PTPRK: variants seen among roughly 807,000 people sequenced by gnomAD.
PTPRK encodes receptor-type tyrosine-protein phosphatase kappa.
PTPRK carries 75 observed loss-of-function variants against 178.0 expected under a neutral mutation model. The ratio of observed to expected loss-of-function variants is 0.42; its 90% CI spans 0.35 to 0.51. The LOEUF (loss-of-function observed/expected upper bound fraction) is 0.51. Among genes scored for constraint, PTPRK ranks in the 20% least tolerant of loss-of-function variants. The probability of loss-of-function intolerance (pLI) is 0.02; values close to 1 mark genes in which losing one functional copy is unlikely to be tolerated. For missense variants in PTPRK, 1,441 were observed against 1,797.8 expected (o/e 0.80, Z 3.59); for synonymous variants, 637 against 620.6 (o/e 1.03, Z -0.39).
chr6:128,387,076 A>G (rs1838849088), intron 2 of PTPRK, among the ~76,000 whole-genome samples: 1 of 152,140 alleles, frequency 6.6e-6, no homozygotes, highest in African/African-American at 2.4e-5. Flanking sequence ...TAAATAAATA[A>G]ATAAATAAAT....
chr6:128,015,303 G>A (rs1458199143), intron 13 of PTPRK, among the ~76,000 whole-genome samples: 1 of 151,684 alleles, frequency 6.6e-6, no homozygotes, highest in Non-Finnish European at 1.5e-5. Flanking sequence ...AAGAAGAAAT[G>A]TTTTAATGTG....
intron 1 of PTPRK, among the ~76,000 whole-genome samples, chr6:128,514,525 C>T (rs897051609): frequency 4.6e-5 from 7 of 152,236 alleles, no homozygotes; most frequent in Admixed American, 3.9e-4. Flanking sequence ...TAAAACAATT[C>T]CTAGAATGAC....
At chr6:128,198,902 T>G (rs781743046) in intron 6 of PTPRK, among the ~76,000 whole-genome samples, 41 of 152,218 alleles carry the variant, frequency 2.7e-4, no homozygotes, top group Non-Finnish European at 5.6e-4. Context: ...AATCAATATT[T>G]GTTGAATGAA....
In PTPRK at chr6:128,519,789, C is replaced by T. The variant is rs1301695519; in HGVS notation, c.100+470G>A. The stretch of plus-strand genomic sequence containing the variant: ...AGACAATAGTCAGGGGAGGTTATTC[C>T]CGGGACAAAAAGCACCTGGCAAAGC... On this transcript the variant is annotated intron_variant, in intron 1 of 29. Coordinates refer to ENST00000368226, the MANE Select transcript of PTPRK (RefSeq NM_002844.4). The surrounding 1 kb of genome is among the most constrained non-coding windows in gnomAD (Gnocchi z 4.3). Among the ~76,000 whole-genome samples the T allele has an allele frequency of 1.3e-5, 2 of 152,188 alleles. No homozygotes were observed. Among genetic ancestry groups the T allele is most frequent in the Non-Finnish European group, 2.9e-5 (2 of 68,038 alleles).
chr6:128,144,912 C>T (rs1796261667), intron 7 of PTPRK, among the ~76,000 whole-genome samples: 2 of 152,074 alleles, frequency 1.3e-5, no homozygotes, highest in African/African-American at 4.8e-5. Context: ...AACATATGTT[C>T]AATGCTTCTC....
At chr6:128,287,928 G>A (rs1302352820) in intron 3 of PTPRK, among the ~76,000 whole-genome samples, 1 of 151,736 alleles carries the variant, frequency 6.6e-6, no homozygotes, top group Non-Finnish European at 1.5e-5. Flanking sequence ...TTATCCTGTG[G>A]CTACTGTCCA....
At chr6:128,469,691 A>G (rs1584867923) in intron 1 of PTPRK, among the ~76,000 whole-genome samples, 1 of 152,306 alleles carries the variant, frequency 6.6e-6, no homozygotes, top group East Asian at 1.9e-4. Flanking sequence ...ATGTTAGGTT[A>G]TCCGGCAAAG....
chr6:128,150,219 T>G (rs1437185992), intron 7 of PTPRK, among the ~76,000 whole-genome samples: 1 of 152,136 alleles, frequency 6.6e-6, no homozygotes. Flanking sequence ...AGATCTATAA[T>G]TACTGCACTG....
At chr6:128,054,644 C>A (rs1028256381) in intron 13 of PTPRK, among the ~76,000 whole-genome samples, 1 of 151,276 alleles carries the variant, frequency 6.6e-6, no homozygotes, top group East Asian at 1.9e-4. Context: ...TTGCTCACTA[C>A]ACTTTTCCAG....
intron 2 of PTPRK, among the ~76,000 whole-genome samples, chr6:128,379,082 T>A (rs1223141342): frequency 6.6e-6 from 1 of 152,130 alleles, no homozygotes. Context: ...ATCTTCCTGA[T>A]ATCTTTCTAC....
chr6:128,290,808 G>C (rs775106517), intron 3 of PTPRK, among the ~76,000 whole-genome samples: 3 of 152,020 alleles, frequency 2.0e-5, no homozygotes, highest in African/African-American at 7.2e-5. Flanking sequence ...CAAAAACTAA[G>C]GGTGTAATAG....
intron 14 of PTPRK, among the ~76,000 whole-genome samples, chr6:128,005,749 G>A (rs973541112): frequency 0.052 from 23 of 444 alleles, no homozygotes; most frequent in African/African-American, 0.13. Context: ...ATAAGGTACA[G>A]GTTTAACTTT....
At chr6:128,483,553 T>C (rs1376074611) in intron 1 of PTPRK, among the ~76,000 whole-genome samples, 1 of 152,172 alleles carries the variant, frequency 6.6e-6, no homozygotes, top group African/African-American at 2.4e-5. Context: ...GGTAACTATG[T>C]ATTAATTAAG....
At chr6:128,262,239 T>G (rs1028443192) in intron 3 of PTPRK, among the ~76,000 whole-genome samples, 1 of 152,182 alleles carries the variant, frequency 6.6e-6, no homozygotes, top group Non-Finnish European at 1.5e-5. Context: ...GTTTTCTCCC[T>G]AGGTTTAAAA....
intron 13 of PTPRK, among the ~76,000 whole-genome samples, chr6:128,017,727 CTCTA>C (rs1394320819): frequency 2.9e-5 from 4 of 138,716 alleles, no homozygotes; most frequent in African/African-American, 8.0e-5. Context: ...CTCTCTCTCT[CTCTA>C]TATATATAAT....
intron 10 of PTPRK, among the ~76,000 whole-genome samples, chr6:128,082,059 T>C (rs964192659): frequency 2.0e-5 from 3 of 152,046 alleles, no homozygotes; most frequent in African/African-American, 7.2e-5. Context: ...ACTATAATAC[T>C]AGAGAAAGGA....
chr6:128,165,880 C>A (rs182843170), intron 7 of PTPRK, among the ~76,000 whole-genome samples: 2 of 151,356 alleles, frequency 1.3e-5, no homozygotes, highest in Non-Finnish European at 3.0e-5. Context: ...AAAGATGATA[C>A]AAAAATAAAA....
At chr6:128,401,525 G>A (rs1258253278) in intron 1 of PTPRK, among the ~76,000 whole-genome samples, 3 of 152,064 alleles carry the variant, frequency 2.0e-5, no homozygotes, top group Admixed American at 6.6e-5. Context: ...CTGGGGTCAC[G>A]TTAATTTAAA....
intron 5 of PTPRK, among the ~76,000 whole-genome samples, chr6:128,238,497 C>T (rs9388627): frequency 0.096 from 14,543 of 152,036 alleles, 1,524 homozygotes; most frequent in East Asian, 0.35. Context: ...AGGCATAAAA[C>T]CAAGGGCAGA....
Sources: gnomAD v4.1 joint callset for allele counts (sites outside exome capture counted in the v4.1 genomes callset) on GRCh38, gnomAD v4.1.1 for gene constraint, Gnocchi (gnomAD v3.1) non-coding constraint, MANE v1.5 for transcripts, NCBI Gene and HGNC (gene_info 2026-07-23, HGNC 2026-07-21) for gene names.